ARHGEF7: variants seen among roughly 807,000 people sequenced by gnomAD.
The protein encoded by ARHGEF7 is PAK-interacting exchange factor beta.
ARHGEF7 carries 33 observed loss-of-function variants against 109.8 expected under a neutral mutation model. The ratio of observed to expected loss-of-function variants is 0.30; its 90% CI spans 0.23 to 0.40. ARHGEF7 has a LOEUF of 0.40. Among genes scored for constraint, ARHGEF7 ranks in the 10% least tolerant of loss-of-function variants. The pLI, the probability that ARHGEF7 is intolerant of heterozygous loss-of-function variation, is 1.00. For synonymous variants in ARHGEF7, 458 were observed against 424.6 expected (o/e 1.08, Z -0.97); for missense variants, 938 against 1,098.5 (o/e 0.85, Z 2.07).
At chr13:111,160,250 A>G (rs139949120) in intron 2 of ARHGEF7, among the ~76,000 whole-genome samples, 28 of 151,712 alleles carry the variant, frequency 1.8e-4, no homozygotes, top group African/African-American at 6.0e-4. Context: ...TTTGGCTGCT[A>G]TAGCTTGGTA....
intron 12 of ARHGEF7, 110 bp from the exon 13 acceptor site, chr13:111,277,477 T>TA (rs779621430): frequency 6.1e-6 from 4 of 652,102 alleles, no homozygotes; most frequent in Non-Finnish European, 1.1e-5. Context: ...AAACGAGAAA[T>TA]ATCATGTAAT....
At chr13:111,274,531 CTGTTCTCT>C (rs2092365984) in intron 10 of ARHGEF7, among the ~76,000 whole-genome samples, 192 bp from the exon 11 acceptor site, 1 of 152,220 alleles carries the variant, frequency 6.6e-6, no homozygotes, top group South Asian at 2.1e-4. Context: ...CTGCTTGTGA[CTGTTCTCT>C]TCCAACTTAT....
In ARHGEF7 at chr13:111,115,423, C is replaced by A; in HGVS notation, c.-104C>A. On this transcript the variant is annotated 5_prime_UTR_variant, in exon 1 of 22. Transcript: ENST00000646102. ...CCGAGCCAATCGCCGGCGCCGGCCGCTCGATGGGCGAGGCGGCGGCGGCGG... is the reference window on the plus strand; with the variant it reads ...CCGAGCCAATCGCCGGCGCCGGCCGATCGATGGGCGAGGCGGCGGCGGCGG... The A allele has an allele frequency of 7.7e-6, 7 of 912,426 alleles. No individual in the cohort carries two copies. Among genetic ancestry groups the A allele is most frequent in the Non-Finnish European group, 9.1e-6 (7 of 766,160 alleles). 56.5% of individuals were successfully genotyped at this position (912,426 alleles called of 1,614,324 possible). A position where few individuals can be genotyped will look rare whatever the true frequency, so the allele number is the denominator to read the frequency against.
chr13:111,199,197 ACTC>A (rs993524789), intron 2 of ARHGEF7, among the ~76,000 whole-genome samples: 2 of 151,896 alleles, frequency 1.3e-5, no homozygotes, highest in African/African-American at 4.8e-5. Context: ...CTGGATGTAG[ACTC>A]CTCCTCGAAG....
intron 19 of ARHGEF7, among the ~76,000 whole-genome samples, chr13:111,295,762 G>C (rs1288613267): frequency 1.3e-5 from 2 of 152,216 alleles, no homozygotes; most frequent in African/African-American, 2.4e-5. Context: ...CTTTTGGAGA[G>C]AGATTACTAA....
intron 16 of ARHGEF7, among the ~76,000 whole-genome samples, chr13:111,284,774 A>G (rs1204765497): frequency 1.3e-5 from 2 of 152,176 alleles, no homozygotes; most frequent in African/African-American, 2.4e-5. Flanking sequence ...AGAAGAGGAC[A>G]TGGAGGCTCG....
At chr13:111,262,322 T>C (rs189067133) in intron 8 of ARHGEF7, among the ~76,000 whole-genome samples, 1 of 152,286 alleles carries the variant, frequency 6.6e-6, no homozygotes, top group Non-Finnish European at 1.5e-5. Context: ...TGCCAGTAAA[T>C]TGGAGAACTT....
At chr13:111,164,260 G>A (rs1037227661) in intron 2 of ARHGEF7, among the ~76,000 whole-genome samples, 3 of 152,168 alleles carry the variant, frequency 2.0e-5, no homozygotes, top group African/African-American at 4.8e-5. Context: ...CACAGGTCCC[G>A]GCTCAGCCAG....
chr13:111,240,482 T>C (rs1333180573), intron 6 of ARHGEF7, among the ~76,000 whole-genome samples: 1 of 152,190 alleles, frequency 6.6e-6, no homozygotes, highest in East Asian at 1.9e-4. Flanking sequence ...CCTCATGTCA[T>C]TGTGACCCGT....
intron 1 of ARHGEF7, among the ~76,000 whole-genome samples, chr13:111,147,062 G>A (rs1225947176): frequency 6.6e-6 from 1 of 152,176 alleles, no homozygotes; most frequent in East Asian, 1.9e-4. Flanking sequence ...CTTGAGGCCT[G>A]AGTTTTCTGA....
intron 1 of ARHGEF7, among the ~76,000 whole-genome samples, chr13:111,150,953 A>G (rs1476329406): frequency 6.6e-6 from 1 of 152,232 alleles, no homozygotes; most frequent in Non-Finnish European, 1.5e-5. Flanking sequence ...TGGTGGAACC[A>G]ATCCCAGAAT....
At chr13:111,122,949 C>T (rs1018507308) in intron 1 of ARHGEF7, among the ~76,000 whole-genome samples, 6 of 152,102 alleles carry the variant, frequency 3.9e-5, no homozygotes, top group Admixed American at 3.3e-4. Flanking sequence ...TGCTGGGAGG[C>T]GGCCCTGGGA....
chr13:111,183,031 A>C (rs569498021), intron 2 of ARHGEF7, among the ~76,000 whole-genome samples: 1 of 152,314 alleles, frequency 6.6e-6, no homozygotes, highest in South Asian at 2.1e-4. Flanking sequence ...TAGGTGTATC[A>C]AATGTATTTT....
chr13:111,290,182 A>G (rs1261916757), intron 18 of ARHGEF7, among the ~76,000 whole-genome samples: 2 of 152,252 alleles, frequency 1.3e-5, no homozygotes, highest in African/African-American at 4.8e-5. Flanking sequence ...ATAAAATTTT[A>G]ACCAAGTAGT....
At chr13:111,192,142 G>C (rs1351715602) in intron 2 of ARHGEF7, among the ~76,000 whole-genome samples, 1 of 152,140 alleles carries the variant, frequency 6.6e-6, no homozygotes, top group Admixed American at 6.5e-5. Flanking sequence ...GTGTATCAAG[G>C]CTGGTCTGGC....
At chr13:111,152,887 G>A (rs760375157) in intron 1 of ARHGEF7, among the ~76,000 whole-genome samples, 1 of 152,188 alleles carries the variant, frequency 6.6e-6, no homozygotes, top group African/African-American at 2.4e-5. Flanking sequence ...CTTGCCGTGG[G>A]TAAGGTCCAA....
At position 111,115,434 on chromosome 13, in the gene ARHGEF7, AGGCGGC is replaced by A. The variant is rs1452458924; in HGVS notation, c.-78_-73del. The stretch of plus-strand genomic sequence containing the variant: ...GCCGGCGCCGGCCGCTCGATGGGCG[AGGCGGC>A]GGCGGCGGCGGCGGGGGCCGCGGGC... On this transcript the variant is annotated 5_prime_UTR_variant, in exon 1 of 22. Coordinates refer to ENST00000646102, the MANE Select transcript of ARHGEF7 (RefSeq NM_001354046.2). 9 of 931,250 alleles carry A rather than the reference AGGCGGC, an allele frequency of 9.7e-6. No homozygotes were observed. Among genetic ancestry groups the A allele is most frequent in the East Asian group, 1.2e-4 (1 of 8,246 alleles). 57.7% of individuals were successfully genotyped at this position (931,250 alleles called of 1,614,324 possible).
intron 1 of ARHGEF7, among the ~76,000 whole-genome samples, chr13:111,152,047 A>G (rs118097019): frequency 2.5e-3 from 378 of 152,318 alleles, no homozygotes; most frequent in Non-Finnish European, 3.9e-3. Flanking sequence ...GAGTTCATAA[A>G]TACAGACTCT....
intron 1 of ARHGEF7, among the ~76,000 whole-genome samples, chr13:111,121,072 C>G (rs831151): frequency 0.96 from 146,730 of 152,288 alleles, 70,935 homozygotes; most frequent in Non-Finnish European, 1. Flanking sequence ...ACTGGAGGGG[C>G]TGGCTCAGGT....
Sources: gnomAD v4.1 joint callset for allele counts (sites outside exome capture counted in the v4.1 genomes callset) on GRCh38, gnomAD v4.1.1 for gene constraint, MANE v1.5 for transcripts, NCBI Gene and HGNC (gene_info 2026-07-23, HGNC 2026-07-21) for gene names.